Variants in HOXB3 observed in about 807,000 individuals in gnomAD.
HOXB3 encodes the protein homeobox B3.
A neutral mutation model predicts 29.2 loss-of-function variants in HOXB3; 17 were observed. The ratio of observed to expected loss-of-function variants is 0.58; its 90% CI spans 0.40 to 0.87. The LOEUF (loss-of-function observed/expected upper bound fraction) is 0.87. Among genes scored for constraint, HOXB3 ranks in the 40% least tolerant of loss-of-function variants. The pLI is 0.00. For missense variants in HOXB3, 637 were observed against 616.3 expected (o/e 1.03, Z -0.35); for synonymous variants, 317 against 285.9 (o/e 1.11, Z -1.10).
chr17:48,555,365 G>GAGA lies in HOXB3; in HGVS notation c.-159+165_-159+166insTCT, dbSNP rs1567949267. The GAGA allele has an allele frequency of 1.2e-3, 161 of 133,938 alleles. 3 individuals carry two copies. Among genetic ancestry groups the GAGA allele is most frequent in the African/African-American group, 9.2e-3 (112 of 12,178 alleles). The allele number at this position is 133,938 out of a possible 1,614,324, so 8.3% of individuals were successfully genotyped here. On this transcript the variant is annotated intron_variant, in intron 3 of 4. Transcript: ENST00000498678. ...GAGAGAGAGAGAGAGAGAGAGAGAG[G>GAGA]GAGGGAGGGAGGGAGGGAGGGAGGG... is the stretch of plus-strand genomic sequence containing the variant.
chr17:48,589,252 A>T (rs892476180), intron 1 of HOXB3, among the ~76,000 whole-genome samples: 1 of 152,154 alleles, frequency 6.6e-6, no homozygotes, highest in African/African-American at 2.4e-5. Flanking sequence ...CAGCTCCTGA[A>T]TCTATTTCCT....
chr17:48,578,155 C>A (rs1308987061), intron 1 of HOXB3: 2 of 1,597,574 alleles, frequency 1.3e-6, no homozygotes, highest in Non-Finnish European at 1.7e-6. Context: ...CCGCGCGCCG[C>A]CCGAAGCCCG....
At chr17:48,552,767 G>GA (rs995915525) in intron 3 of HOXB3, 135 bp from the exon 4 acceptor site, 57 of 370,732 alleles carry the variant, frequency 1.5e-4, no homozygotes, top group Middle Eastern at 6.9e-4. Context: ...CAGATGCTGA[G>GA]AAAAAAAAGC....
chr17:48,556,611 G>A lies in HOXB3; in HGVS notation c.-246-993C>T, dbSNP rs2069007703. On this transcript the variant is annotated intron_variant, in intron 2 of 4. Transcript: ENST00000498678. The stretch of plus-strand genomic sequence containing the variant: ...TTTTCTTTTTGAGAACAGACAACAA[G>A]CGGTGAGTGATGATTTTAAAAACTC... The A allele has an allele frequency of 2.7e-5, 4 of 149,108 alleles. No homozygotes were observed. In the South Asian group the frequency reaches 8.5e-4, roughly 32 times the overall value. The allele number at this position is 149,108 out of a possible 1,614,324, so 9.2% of individuals were successfully genotyped here.
At chr17:48,578,190 G>T in intron 1 of HOXB3, 2 of 1,612,856 alleles carry the variant, frequency 1.2e-6, no homozygotes, top group Non-Finnish European at 1.7e-6. Context: ...CTGCTCTCTC[G>T]CCTCTGGCCG....
chr17:48,568,527 G>A (rs2069465673), intron 2 of HOXB3, among the ~76,000 whole-genome samples: 1 of 152,026 alleles, frequency 6.6e-6, no homozygotes, highest in Non-Finnish European at 1.5e-5. Context: ...CTCTCTCCCG[G>A]CCGGCCGCAG....
Position 48,550,528 on chromosome 17 carries a change from G to T in HOXB3, c.1102C>A (p.Pro368Thr), listed in dbSNP as rs777372129. Residue 368 changes from proline to threonine, a missense_variant, in exon 5 of 5, where the codon CCC (proline) becomes ACC (threonine). Coordinates refer to ENST00000498678, the MANE Select transcript of HOXB3 (RefSeq NM_001384749.1). ...YADPLPPPAG[P>T]SLYGLNHLSH... ...AGGTGGTTGAGGCCATAGAGGGAGG[G>T]GCCGGCAGGGGGCGGCAGCGGATCC... The T allele has an allele frequency of 6.6e-7, 1 of 1,516,150 alleles. No homozygotes were observed. Among genetic ancestry groups the T allele is most frequent in the Admixed American group, 2.0e-5 (1 of 49,030 alleles). 93.9% of individuals were successfully genotyped at this position (1,516,150 alleles called of 1,614,324 possible).
chr17:48,585,878 C>T (rs960008186), intron 1 of HOXB3, among the ~76,000 whole-genome samples: 2 of 152,212 alleles, frequency 1.3e-5, no homozygotes, highest in African/African-American at 2.4e-5. Context: ...CCTTTCCGTC[C>T]TGACTCCCCA....
In HOXB3 at chr17:48,550,057, CAA is replaced by C. The variant is rs1321182021; in HGVS notation, c.*275_*276del. ...TACCCCACTCCCGGGCGTGGAATTC[CAA>C]CTTGGTAGTGCTGGAGCCCTGGGGT... On this transcript the variant is annotated 3_prime_UTR_variant, in exon 5 of 5. Coordinates refer to ENST00000498678, the MANE Select transcript of HOXB3 (RefSeq NM_001384749.1). 24 of 410,334 alleles carry C rather than the reference CAA, an allele frequency of 5.8e-5. No individual in the cohort carries two copies. Among genetic ancestry groups the C allele is most frequent in the Admixed American group, 2.8e-4 (7 of 24,722 alleles). The allele number at this position is 410,334 out of a possible 1,614,324, so 25.4% of individuals were successfully genotyped here. A position where few individuals can be genotyped will look rare whatever the true frequency, so the allele number is the denominator to read the frequency against.
intron 2 of HOXB3, chr17:48,557,442 C>T (rs1445191323): frequency 1.3e-5 from 2 of 152,280 alleles, no homozygotes; most frequent in African/African-American, 2.4e-5. Context: ...CCTCTCTCTC[C>T]CCACTCACAG....
chr17:48,552,450 TGTC>T lies in HOXB3; in HGVS notation c.22_24del (p.Asp8del), dbSNP rs2068793635. The T allele has an allele frequency of 2.5e-6, 4 of 1,577,920 alleles. No homozygotes were observed. Among genetic ancestry groups the T allele is most frequent in the Non-Finnish European group, 3.5e-6 (4 of 1,158,968 alleles). On this transcript the variant is annotated inframe_deletion, in exon 4 of 5. Transcript: ENST00000498678. ...CCTCCGAAGAGAGCAGCCGCGGCGT[TGTC>T]GTAGTAGGTGGCTTTCTGCATCGCT...
intron 2 of HOXB3, among the ~76,000 whole-genome samples, chr17:48,572,035 T>C (rs892189221): frequency 2.0e-5 from 3 of 152,222 alleles, no homozygotes; most frequent in African/African-American, 7.2e-5. Context: ...TGTCTCTCCC[T>C]AAGAGGGTGG....
At chr17:48,555,454 G>A in intron 3 of HOXB3, 77 bp downstream of exon 3, 1 of 699,764 alleles carries the variant, frequency 1.4e-6, no homozygotes, top group Non-Finnish European at 2.6e-6. Flanking sequence ...ACCGAGATTG[G>A]AGTCATATGG....
intron 3 of HOXB3, chr17:48,553,568 C>T: frequency 6.6e-6 from 1 of 151,550 alleles, no homozygotes; most frequent in East Asian, 1.9e-4. Flanking sequence ...CTAGACTTTT[C>T]TACTGAGACG....
At chr17:48,559,860 G>A (rs1417789393) in intron 2 of HOXB3, 1 of 152,296 alleles carries the variant, frequency 6.6e-6, no homozygotes, top group Non-Finnish European at 1.5e-5. Context: ...CCCCAGCTGA[G>A]CCTGTGAAGG....
At chr17:48,576,539 C>T (rs754500343) in intron 1 of HOXB3, 3 of 483,162 alleles carry the variant, frequency 6.2e-6, no homozygotes, top group East Asian at 3.3e-5. Context: ...CCTCTATTGT[C>T]ATTTCTATAA....
At chr17:48,562,883 GTT>G in intron 2 of HOXB3, among the ~76,000 whole-genome samples, 1 of 152,288 alleles carries the variant, frequency 6.6e-6, no homozygotes, top group Admixed American at 6.5e-5. Context: ...GGGTCAAAAT[GTT>G]TTTCTCCCCA....
At chr17:48,584,475 G>A (rs953874340) in intron 1 of HOXB3, among the ~76,000 whole-genome samples, 4 of 152,188 alleles carry the variant, frequency 2.6e-5, no homozygotes, top group African/African-American at 9.7e-5. Flanking sequence ...AGGATTGAAA[G>A]AGCCAGTAGT....
At chr17:48,577,851 C>T in intron 1 of HOXB3, 1 of 1,402,562 alleles carries the variant, frequency 7.1e-7, no homozygotes, top group South Asian at 1.9e-5. Flanking sequence ...GAAGGGGTGC[C>T]CACGCACTCA....
Sources: allele counts gnomAD v4.1 joint callset (sites outside exome capture counted in the v4.1 genomes callset), GRCh38; gene constraint gnomAD v4.1.1; transcripts MANE v1.5; gene names NCBI Gene and HGNC (gene_info 2026-07-23, HGNC 2026-07-21).